TET2: variants seen among roughly 807,000 people sequenced by gnomAD.
The protein encoded by TET2 is methylcytosine dioxygenase TET2.
A neutral mutation model predicts 142.9 loss-of-function variants in TET2; 299 were observed. The ratio of observed to expected loss-of-function variants is 2.09; its 90% CI spans 1.90 to 2.30. The LOEUF is 2.30. Among genes scored for constraint, TET2 ranks in the 30% most tolerant of loss-of-function variants. TET2 has a pLI of 0.00. For missense variants in TET2, 2,418 were observed against 2,378.0 expected (o/e 1.02, Z -0.35); for synonymous variants, 819 against 849.0 (o/e 0.96, Z 0.61).
chr4:105,249,645 A>T (rs1424066405), intron 6 of TET2, among the ~76,000 whole-genome samples: 1 of 152,224 alleles, frequency 6.6e-6, no homozygotes, highest in African/African-American at 2.4e-5. Context: ...CCAAGTGGGT[A>T]TGAAGTTTAT....
rs1360827263 is a variant in TET2 at position 105,278,180 on chromosome 4, A to ATATATATATATATG, written c.*1674_*1675insGTATATATATATAT. On this transcript the variant is annotated 3_prime_UTR_variant, in exon 11 of 11. Transcript: ENST00000380013. The stretch of plus-strand genomic sequence containing the variant: ...AAAAATTAAATATATACATATATAT[A>ATATATATATATATG]TATATATATATATATATATATATGA... 1 of 154,482 alleles carries ATATATATATATATG rather than the reference A, an allele frequency of 6.5e-6. No individual in the cohort carries two copies. Among genetic ancestry groups the ATATATATATATATG allele is most frequent in the African/African-American group, 2.7e-5 (1 of 37,112 alleles). The allele number at this position is 154,482 out of a possible 1,614,324, so 9.6% of individuals were successfully genotyped here.
chr4:105,241,439 G>A lies in TET2; in HGVS notation c.3500+10G>A, dbSNP rs958103420. ...AAATCATGGAAGAAAGGTAATTAACGCAAAGGCACAGGGCAGATTAACGTT... is the reference window on the plus strand; with the variant it reads ...AAATCATGGAAGAAAGGTAATTAACACAAAGGCACAGGGCAGATTAACGTT... On this transcript the variant is annotated intron_variant, in intron 4 of 10. Transcript: ENST00000380013. 3.6e-5 allele frequency: 55 copies of A among 1,548,398 alleles called. No individual in the cohort carries two copies. The African/African-American group carries it at 5.5e-4, about 15-fold the overall frequency.
chr4:105,190,241 AC>A (rs1236227811), intron 1 of TET2, 118 bp from the exon 2 acceptor site: 3 of 466,568 alleles, frequency 6.4e-6, no homozygotes. Context: ...TTTAACAGCC[AC>A]ACTGTAATGG....
At chr4:105,242,518 A>G in intron 4 of TET2, 1 of 1,134,934 alleles carries the variant, frequency 8.8e-7, no homozygotes, top group Non-Finnish European at 1.1e-6. Context: ...GTTTTAGAAG[A>G]CTGAACTTAG....
intron 6 of TET2, among the ~76,000 whole-genome samples, chr4:105,256,705 A>G (rs1730151949): frequency 6.6e-6 from 1 of 151,874 alleles, no homozygotes; most frequent in African/African-American, 2.4e-5. Context: ...TTCATCCTCT[A>G]CTTTGGGGAC....
At position 105,276,579 on chromosome 4, in the gene TET2, A is replaced by G. The variant is rs947309908; in HGVS notation, c.*60A>G. On this transcript the variant is annotated 3_prime_UTR_variant, in exon 11 of 11. Transcript: ENST00000380013. ...AGACCACAACCAACCTGTCAGTAGT[A>G]TAGTTCTCATGACGTGGGCAGTGGG... 15 of 1,488,534 alleles carry G rather than the reference A, an allele frequency of 1.0e-5. No individual in the cohort carries two copies. In the African/African-American group the frequency reaches 1.3e-4, roughly 13 times the overall value. The allele number at this position is 1,488,534 out of a possible 1,614,324, so 92.2% of individuals were successfully genotyped here.
In TET2 at chr4:105,276,489, G is replaced by A. The variant is rs750755275; in HGVS notation, c.5979G>A (p.Arg1993=). Residue 1993 remains arginine, a synonymous_variant, in exon 11 of 11, where the codon CGG becomes CGA. Coordinates refer to ENST00000380013, the MANE Select transcript of TET2 (RefSeq NM_001127208.3). ...CTACATCTCCATATGCCTTCACTCG[G>A]GTCACAGGGCCTTACAACAGATATA... ...TVTTSPYAFT[R]VTGPYNRYI 1.3e-6 allele frequency: 2 copies of A among 1,551,488 alleles called. No homozygotes were observed. The highest frequency in any genetic ancestry group is 2.0e-5 in the Admixed American group (1 of 50,960).
chr4:105,237,014 CATT>C lies in TET2; in HGVS notation c.3073_3075del (p.Ile1025del). 1.9e-6 allele frequency: 3 copies of C among 1,614,138 alleles called. No individual in the cohort carries two copies. Among genetic ancestry groups the C allele is most frequent in the Non-Finnish European group, 1.7e-6 (2 of 1,180,020 alleles). On this transcript the variant is annotated inframe_deletion, in exon 3 of 11. Coordinates refer to ENST00000380013, the MANE Select transcript of TET2 (RefSeq NM_001127208.3). ...GTGATAATGTGCAGCAAAAGAGCAT[CATT>C]GAGACCATGGAGCAGCATCTGAAGC...
At chr4:105,167,679 G>T (rs1318902626) in intron 1 of TET2, among the ~76,000 whole-genome samples, 1 of 152,128 alleles carries the variant, frequency 6.6e-6, no homozygotes, top group Non-Finnish European at 1.5e-5. Flanking sequence ...CAGTGACTGT[G>T]CTAATAGTCC....
At chr4:105,267,273 A>T (rs934940560) in intron 8 of TET2, among the ~76,000 whole-genome samples, 4 of 152,222 alleles carry the variant, frequency 2.6e-5, no homozygotes, top group East Asian at 1.9e-4. Context: ...AAAGAACATG[A>T]TACCAGACAG....
In TET2 at chr4:105,186,583, C is replaced by T. The variant is rs111660632; in HGVS notation, c.-192-3777C>T. 2.8e-3 allele frequency among the ~76,000 whole-genome samples: 418 copies of T among 151,632 alleles called. 1 individual carries two copies. The highest frequency in any genetic ancestry group is 4.7e-3 in the Non-Finnish European group (320 of 67,874). On this transcript the variant is annotated intron_variant, in intron 1 of 10. Coordinates refer to ENST00000380013, the MANE Select transcript of TET2 (RefSeq NM_001127208.3). ...CTCCGCCTCCTGGAGGCGATTCTCC[C>T]GCCTCAGCCTCCCCAGTAGCTGGGA...
intron 8 of TET2, among the ~76,000 whole-genome samples, chr4:105,267,013 A>G (rs1304568270): frequency 6.6e-6 from 1 of 152,050 alleles, no homozygotes; most frequent in Non-Finnish European, 1.5e-5. Context: ...AGGACATATT[A>G]CACTAGGTGG....
In TET2 at chr4:105,233,887, T is replaced by A. The variant is rs745985001; in HGVS notation, c.-46-10T>A. The A allele has an allele frequency of 1.4e-6, 2 of 1,457,842 alleles. No homozygotes were observed. The highest frequency in any genetic ancestry group is 4.6e-5 in the East Asian group (2 of 43,490). 90.3% of individuals were successfully genotyped at this position (1,457,842 alleles called of 1,614,324 possible). A position where few individuals can be genotyped will look rare whatever the true frequency, so the allele number is the denominator to read the frequency against. ...AAACACATTTTAATTTTTGTTTCCA[T>A]GCTCTTTAGAATTCAACTAGAGGGC... On this transcript the variant is annotated splice_polypyrimidine_tract_variant and intron_variant, in intron 2 of 10. Transcript: ENST00000380013.
intron 2 of TET2, among the ~76,000 whole-genome samples, chr4:105,205,408 G>A (rs1026577619): frequency 5.9e-5 from 9 of 152,122 alleles, no homozygotes; most frequent in African/African-American, 2.2e-4. Context: ...TAAGGCACAT[G>A]AGGTCTAAGA....
chr4:105,268,825 T>C (rs898763326), intron 8 of TET2, among the ~76,000 whole-genome samples: 1 of 151,950 alleles, frequency 6.6e-6, no homozygotes, highest in African/African-American at 2.4e-5. Flanking sequence ...TACAAAAAAT[T>C]ACTGGGGCAT....
In TET2 at chr4:105,225,980, C is replaced by T. The variant is rs1002424840; in HGVS notation, c.-46-7917C>T. On this transcript the variant is annotated intron_variant, in intron 2 of 10. Transcript: ENST00000380013. ...GTTTACGTTTTCTTTTTTATTCTAT[C>T]CCAAACCACATAAAGAAATGATTTG... Among the ~76,000 whole-genome samples, 3 of 152,144 alleles carry T rather than the reference C, an allele frequency of 2.0e-5. No individual in the cohort carries two copies. In the South Asian group the frequency reaches 6.2e-4, roughly 32 times the overall value.
Position 105,235,926 on chromosome 4 carries a change from TTC to T in TET2, c.1987_1988del (p.Ser663GlnfsTer17), listed in dbSNP as rs767612577. The T allele has an allele frequency of 6.2e-7, 1 of 1,614,064 alleles. No homozygotes were observed. Among genetic ancestry groups the T allele is most frequent in the Non-Finnish European group, 8.5e-7 (1 of 1,180,000 alleles). ...QFQKPSHQVH[F>X]SKTDHLPKAH... ...CCAAAAACCCTCACACCAGGTGCAC[TTC>T]TCCAAAACAGACCATTTACCAAAAG... On this transcript the variant is annotated frameshift_variant, in exon 3 of 11. Transcript: ENST00000380013. LOFTEE classifies it high-confidence loss of function.
intron 2 of TET2, among the ~76,000 whole-genome samples, chr4:105,220,011 CTT>C (rs2110579326): frequency 6.6e-6 from 1 of 152,196 alleles, no homozygotes; most frequent in East Asian, 1.9e-4. Context: ...GTATTTATCT[CTT>C]TTGTTCAGTG....
At chr4:105,244,710 C>G (rs1464066213) in intron 6 of TET2, among the ~76,000 whole-genome samples, 1 of 150,890 alleles carries the variant, frequency 6.6e-6, no homozygotes, top group African/African-American at 2.4e-5. Context: ...ATTCTCCTGC[C>G]TCAGCCTCCC....
Sources: allele counts gnomAD v4.1 joint callset (sites outside exome capture counted in the v4.1 genomes callset), GRCh38; gene constraint gnomAD v4.1.1; transcripts MANE v1.5; gene names NCBI Gene and HGNC (gene_info 2026-07-23, HGNC 2026-07-21).